The following HTR4 variants were observed in gnomAD, a reference collection of about 807,000 sequenced individuals.
HTR4 encodes 5-hydroxytryptamine (serotonin) receptor 4, G protein-coupled.
In HTR4, 16 loss-of-function variants were observed where a neutral mutation model predicts 36.8. That is an observed-to-expected ratio of 0.43 (90% confidence interval 0.29 to 0.66). The LOEUF is 0.66. HTR4 is among the 30% of genes least tolerant of loss of function. HTR4 has a pLI of 0.13. For synonymous variants in HTR4, 189 were observed against 185.1 expected (o/e 1.02, Z -0.17); for missense variants, 438 against 490.9 (o/e 0.89, Z 1.02).
At chr5:148,551,643 T>C (rs1294951655) in intron 2 of HTR4, among the ~76,000 whole-genome samples, 2 of 152,208 alleles carry the variant, frequency 1.3e-5, no homozygotes, top group African/African-American at 4.8e-5. Context: ...CTTAAAACTC[T>C]TAGACCAGCG....
At chr5:148,599,895 G>A (rs962285260) in intron 2 of HTR4, among the ~76,000 whole-genome samples, 5 of 151,624 alleles carry the variant, frequency 3.3e-5, no homozygotes, top group Admixed American at 1.3e-4. Context: ...AATAACATAA[G>A]CATATTTTAA....
chr5:148,643,715 T>A (rs72837419), intron 1 of HTR4, among the ~76,000 whole-genome samples: 1,859 of 152,312 alleles, frequency 0.012, 14 homozygotes, highest in Non-Finnish European at 0.021. Context: ...TAGCTTTGTC[T>A]TTGTGGCTCC....
At chr5:148,515,711 C>A (rs1319153383) in intron 5 of HTR4, among the ~76,000 whole-genome samples, 1 of 151,926 alleles carries the variant, frequency 6.6e-6, no homozygotes, top group Non-Finnish European at 1.5e-5. Flanking sequence ...TTTAATTTGT[C>A]ATTTTTCTCT....
intron 2 of HTR4, among the ~76,000 whole-genome samples, chr5:148,560,082 C>T (rs929522952): frequency 6.6e-6 from 1 of 151,672 alleles, no homozygotes; most frequent in African/African-American, 2.4e-5. Context: ...GAAATCCTTT[C>T]TGAGGAAGAA....
chr5:148,540,526 T>C, intron 4 of HTR4, among the ~76,000 whole-genome samples: 1 of 148,622 alleles, frequency 6.7e-6, no homozygotes, highest in Non-Finnish European at 1.5e-5. Context: ...GGCATCCAGC[T>C]GATCATGGGA....
At chr5:148,578,853 A>G (rs564692354) in intron 2 of HTR4, among the ~76,000 whole-genome samples, 1 of 152,204 alleles carries the variant, frequency 6.6e-6, no homozygotes, top group Non-Finnish European at 1.5e-5. Context: ...CTTTGCTATA[A>G]CATATTGGAA....
chr5:148,554,814 C>T (rs1759862112), intron 2 of HTR4, among the ~76,000 whole-genome samples: 2 of 152,106 alleles, frequency 1.3e-5, no homozygotes, highest in Admixed American at 6.6e-5. Flanking sequence ...TCCACCCTCA[C>T]GTAGGTCCCA....
At chr5:148,517,738 A>G (rs1454358899) in intron 5 of HTR4, among the ~76,000 whole-genome samples, 1 of 152,118 alleles carries the variant, frequency 6.6e-6, no homozygotes. Flanking sequence ...ATTGTCTCTC[A>G]CCTGTCAGAT....
At chr5:148,518,933 G>GT (rs1200245835) in intron 5 of HTR4, among the ~76,000 whole-genome samples, 4 of 151,844 alleles carry the variant, frequency 2.6e-5, no homozygotes, top group South Asian at 2.1e-4. Context: ...TTTTGTGTGT[G>GT]TTTTTTTAAA....
chr5:148,630,454 G>C (rs1225472325), intron 2 of HTR4: 1 of 152,186 alleles, frequency 6.6e-6, no homozygotes, highest in African/African-American at 2.4e-5. Flanking sequence ...TAGAAGACCA[G>C]TGGTTTCATT....
intron 2 of HTR4, among the ~76,000 whole-genome samples, chr5:148,584,158 T>C (rs1173804444): frequency 6.6e-6 from 1 of 152,210 alleles, no homozygotes; most frequent in Non-Finnish European, 1.5e-5. Context: ...CATTCTCTCA[T>C]TCTTTTCAAA....
chr5:148,483,579 G>T (rs1275644431), intron 6 of HTR4, among the ~76,000 whole-genome samples: 3 of 152,068 alleles, frequency 2.0e-5, no homozygotes, highest in South Asian at 4.1e-4. Flanking sequence ...GCCCTCTACC[G>T]ATTATATCCT....
intron 2 of HTR4, among the ~76,000 whole-genome samples, chr5:148,601,297 A>G (rs1429114499): frequency 6.6e-6 from 1 of 152,202 alleles, no homozygotes; most frequent in African/African-American, 2.4e-5. Context: ...TCGAAATAGT[A>G]AAAATATAAC....
rs80005324 is a variant in HTR4, at chr5:148,649,273, GA to G, written c.-48+4788del. On this transcript the variant is annotated intron_variant, in intron 1 of 6. Coordinates refer to ENST00000377888, the MANE Select transcript of HTR4 (RefSeq NM_000870.7). The stretch of plus-strand genomic sequence containing the variant: ...GCTTGGATGGGGAATGTGTGATCAT[GA>G]AAAAAAAAAAAGAAGCTAATATTCA... Among the ~76,000 whole-genome samples the G allele has an allele frequency of 4.0e-3, 566 of 143,280 alleles. 1 individual carries two copies. The highest frequency in any genetic ancestry group is 0.011 in the African/African-American group (428 of 38,590). 94.0% of individuals were successfully genotyped at this position (143,280 alleles called of 152,430 possible).
intron 6 of HTR4, among the ~76,000 whole-genome samples, chr5:148,501,900 A>G (rs559378575): frequency 4.6e-5 from 7 of 152,208 alleles, no homozygotes; most frequent in Admixed American, 3.9e-4. Flanking sequence ...TCTACTAAAA[A>G]TACAAAAAAA....
At position 148,481,788 on chromosome 5, in the gene HTR4, C is replaced by T. The variant is rs200048367; in HGVS notation, c.*1415G>A. 3.0e-4 allele frequency: 421 copies of T among 1,396,786 alleles called. No homozygotes were observed. The Middle Eastern group carries it at 3.1e-3, about 10-fold the overall frequency. 86.5% of individuals were successfully genotyped at this position (1,396,786 alleles called of 1,614,324 possible). ...TTTGGCATTTACCTTCCCGGGACTT[C>T]TGCTATGGGGCATTCGCAAGAGCCA... is the stretch of plus-strand genomic sequence containing the variant. On this transcript the variant is annotated 3_prime_UTR_variant, in exon 7 of 7. Transcript: ENST00000377888.
intron 1 of HTR4, among the ~76,000 whole-genome samples, chr5:148,638,221 G>A (rs1004773212): frequency 4.6e-5 from 7 of 152,172 alleles, no homozygotes; most frequent in Admixed American, 4.6e-4. Flanking sequence ...AACTTAACAG[G>A]AGCTCCCATG....
intron 2 of HTR4, among the ~76,000 whole-genome samples, chr5:148,568,699 T>G (rs1165027900): frequency 6.6e-6 from 1 of 152,156 alleles, no homozygotes. Context: ...AAGCATACTC[T>G]CAGGACTGGT....
intron 1 of HTR4, among the ~76,000 whole-genome samples, chr5:148,642,317 T>G (rs1168102235): frequency 6.6e-6 from 1 of 152,166 alleles, no homozygotes; most frequent in African/African-American, 2.4e-5. Flanking sequence ...AGCAAGTCTA[T>G]TCACTATTCA....
Sources: gnomAD v4.1 joint callset for allele counts (sites outside exome capture counted in the v4.1 genomes callset) on GRCh38, gnomAD v4.1.1 for gene constraint, MANE v1.5 for transcripts, NCBI Gene and HGNC (gene_info 2026-07-23, HGNC 2026-07-21) for gene names.